Variants in ADARB1 observed in about 807,000 individuals in gnomAD.
ADARB1 encodes adenosine deaminase RNA specific B1.
ADARB1 carries 10 observed loss-of-function variants against 52.4 expected under a neutral mutation model. That is an observed-to-expected ratio of 0.19 (90% CI 0.12 to 0.32). ADARB1 has a LOEUF of 0.32. Ranked by LOEUF, ADARB1 falls within the 10% of genes least tolerant of loss-of-function variation. The pLI is 1.00. For missense variants in ADARB1, 643 were observed against 922.3 expected (o/e 0.70, Z 3.92); for synonymous variants, 349 against 371.1 (o/e 0.94, Z 0.68).
chr21:45,098,583 C>G (rs916303190), intron 1 of ADARB1, among the ~76,000 whole-genome samples: 2 of 152,208 alleles, frequency 1.3e-5, no homozygotes, highest in Non-Finnish European at 2.9e-5. Context: ...ATCATCCCCA[C>G]CCTGCCTCTT....
chr21:45,185,858 T>C (rs1218751404), intron 8 of ADARB1, among the ~76,000 whole-genome samples: 2 of 152,270 alleles, frequency 1.3e-5, no homozygotes, highest in Non-Finnish European at 2.9e-5. Context: ...GGGTTTTGAC[T>C]GTCCATCCAG....
chr21:45,148,541 A>T (rs183491749), intron 2 of ADARB1, among the ~76,000 whole-genome samples: 154 of 152,246 alleles, frequency 1.0e-3, no homozygotes, highest in African/African-American at 3.6e-3. Flanking sequence ...GAGAGAAGAG[A>T]TGTGACAAGG....
At chr21:45,111,724 G>GT (rs1173616953) in intron 1 of ADARB1, among the ~76,000 whole-genome samples, 1 of 152,194 alleles carries the variant, frequency 6.6e-6, no homozygotes, top group Non-Finnish European at 1.5e-5. Context: ...TTTTACTGCT[G>GT]TACATAGTAC....
chr21:45,206,634 C>T (rs576858692), intron 9 of ADARB1, among the ~76,000 whole-genome samples: 1 of 120,854 alleles, frequency 8.3e-6, no homozygotes, highest in Non-Finnish European at 1.6e-5. Flanking sequence ...AGTGCAGTGG[C>T]GTGATCTTGG....
intron 1 of ADARB1, among the ~76,000 whole-genome samples, chr21:45,097,723 T>C (rs943056777): frequency 2.5e-4 from 38 of 151,866 alleles, no homozygotes; most frequent in Admixed American, 7.2e-4. Flanking sequence ...GACTAGCAGG[T>C]CTGTTTGGGT....
rs151318605 is a variant in ADARB1 at position 45,211,883 on chromosome 21, C to T, written c.1747+7147C>T. 8.6e-3 allele frequency among the ~76,000 whole-genome samples: 1,316 copies of T among 152,262 alleles called. 10 individuals are homozygous for T. Among genetic ancestry groups the T allele is most frequent in the Non-Finnish European group, 0.012 (850 of 68,026 alleles). ...CCACACTGCACTGGCCTCAGGGACT[C>T]GTAGACGTATGCGCTTATGACCATT... On this transcript the variant is annotated intron_variant, in intron 9 of 10. Transcript: ENST00000348831.
chr21:45,093,278 G>C (rs941203640), intron 1 of ADARB1, among the ~76,000 whole-genome samples: 2 of 152,184 alleles, frequency 1.3e-5, no homozygotes, highest in African/African-American at 4.8e-5. Flanking sequence ...CCTCGGGTAG[G>C]AGTCTCGGGT....
chr21:45,212,872 G>A (rs2092795431), intron 9 of ADARB1, among the ~76,000 whole-genome samples: 1 of 152,162 alleles, frequency 6.6e-6, no homozygotes, highest in Non-Finnish European at 1.5e-5. Flanking sequence ...GAAAACAAGA[G>A]AAATAAGTAA....
At chr21:45,153,509 G>A (rs1001889112) in intron 2 of ADARB1, among the ~76,000 whole-genome samples, 20 of 152,122 alleles carry the variant, frequency 1.3e-4, no homozygotes, top group Non-Finnish European at 5.9e-5. Context: ...GGAGTACAGC[G>A]CTTCACCACC....
At chr21:45,107,179 A>G (rs1373572792) in intron 1 of ADARB1, among the ~76,000 whole-genome samples, 1 of 152,238 alleles carries the variant, frequency 6.6e-6, no homozygotes, top group Admixed American at 6.5e-5. Flanking sequence ...GAACTGTTCA[A>G]AAGCTAAGTG....
chr21:45,108,247 G>A (rs1287011915), intron 1 of ADARB1, among the ~76,000 whole-genome samples: 2 of 152,124 alleles, frequency 1.3e-5, no homozygotes, highest in South Asian at 2.1e-4. Context: ...ACATATACAC[G>A]TACATAAACA....
chr21:45,204,506 C>G lies in ADARB1; in HGVS notation c.1566-49C>G, dbSNP rs377661354. The G allele has an allele frequency of 6.3e-7, 1 of 1,583,418 alleles. No individual in the cohort carries two copies. The highest frequency in any genetic ancestry group is 1.8e-4 in the Middle Eastern group (1 of 5,510). The stretch of plus-strand genomic sequence containing the variant: ...CACGCAGGCTTGGGCTGGGCTGCGT[C>G]GACACTGAGTCCGAGCTCCCTGAAG... On this transcript the variant is annotated intron_variant, in intron 8 of 10. Coordinates refer to ENST00000348831, the MANE Select transcript of ADARB1 (RefSeq NM_001112.4). The surrounding 1 kb of genome is among the most constrained non-coding windows in gnomAD (Gnocchi z 4.4).
intron 2 of ADARB1, among the ~76,000 whole-genome samples, chr21:45,164,795 C>T (rs1329198477): frequency 1.3e-5 from 2 of 152,110 alleles, no homozygotes; most frequent in African/African-American, 2.4e-5. Context: ...CAGAGAGGCT[C>T]CTGCACAAGC....
At position 45,222,797 on chromosome 21, in the gene ADARB1, C is replaced by T. The variant is rs1209864525; in HGVS notation, c.*600C>T. ...GGTAGTTCCACACACTAGGTTGTAA[C>T]AGTCTCTCCCTGAGGAGCAGACTCC... On this transcript the variant is annotated 3_prime_UTR_variant, in exon 11 of 11. Transcript: ENST00000348831. The T allele has an allele frequency of 2.1e-5, 21 of 985,474 alleles. No homozygotes were observed. The highest frequency in any genetic ancestry group is 3.5e-5 in the African/African-American group (2 of 57,234). The allele number at this position is 985,474 out of a possible 1,614,324, so 61.0% of individuals were successfully genotyped here.
intron 1 of ADARB1, among the ~76,000 whole-genome samples, chr21:45,096,242 C>G (rs969458261): frequency 3.3e-5 from 5 of 152,248 alleles, no homozygotes; most frequent in Admixed American, 3.3e-4. Context: ...AGCCCATTTC[C>G]TCCTTCTAGA....
At chr21:45,107,293 G>A (rs940124528) in intron 1 of ADARB1, among the ~76,000 whole-genome samples, 1 of 152,096 alleles carries the variant, frequency 6.6e-6, no homozygotes, top group Non-Finnish European at 1.5e-5. Context: ...CAGTTGTCAG[G>A]TAATTTTCAA....
At chr21:45,143,304 A>G (rs77828399) in intron 2 of ADARB1, among the ~76,000 whole-genome samples, 116 of 152,312 alleles carry the variant, frequency 7.6e-4, no homozygotes, top group African/African-American at 2.8e-3. Context: ...TCAGGCATCT[A>G]TAGACCTCCA....
At chr21:45,206,376 G>T (rs1379289958) in intron 9 of ADARB1, among the ~76,000 whole-genome samples, 1 of 152,138 alleles carries the variant, frequency 6.6e-6, no homozygotes, top group Non-Finnish European at 1.5e-5. Context: ...TTTTGCTAAA[G>T]AAATTTTCTA....
intron 1 of ADARB1, among the ~76,000 whole-genome samples, chr21:45,107,122 A>G (rs1569013674): frequency 1.3e-5 from 2 of 152,252 alleles, no homozygotes; most frequent in African/African-American, 4.8e-5. Context: ...AGACAACCCC[A>G]TTAACAATAG....
Sources: gnomAD v4.1 joint callset for allele counts (sites outside exome capture counted in the v4.1 genomes callset) on GRCh38, gnomAD v4.1.1 for gene constraint, Gnocchi (gnomAD v3.1) non-coding constraint, MANE v1.5 for transcripts, NCBI Gene and HGNC (gene_info 2026-07-23, HGNC 2026-07-21) for gene names.